FANCC: variants seen among roughly 807,000 people sequenced by gnomAD.
FANCC encodes Fanconi anemia group C protein.
Under a neutral mutation model 71.3 loss-of-function variants are expected in FANCC, and 55 were observed. The ratio of observed to expected loss-of-function variants is 0.77; its 90% CI spans 0.62 to 0.97. The LOEUF (loss-of-function observed/expected upper bound fraction) is 0.97. Ranked by LOEUF, FANCC falls within the 50% of genes least tolerant of loss-of-function variation. FANCC has a pLI of 0.00. For missense variants in FANCC, 678 were observed against 670.9 expected (o/e 1.01, Z -0.12); for synonymous variants, 275 against 244.9 (o/e 1.12, Z -1.15).
intron 1 of FANCC, among the ~76,000 whole-genome samples, chr9:95,267,343 G>A (rs987613395): frequency 1.3e-5 from 2 of 152,158 alleles, no homozygotes; most frequent in African/African-American, 4.8e-5. Flanking sequence ...ACCAGGCACT[G>A]CGTGAAGCAG....
intron 7 of FANCC, among the ~76,000 whole-genome samples, chr9:95,148,138 C>T (rs1261541318): frequency 3.9e-5 from 6 of 152,156 alleles, no homozygotes; most frequent in Non-Finnish European, 7.3e-5. Flanking sequence ...TGCATTTTCA[C>T]ATATGAATGT....
Position 95,099,387 on chromosome 9 carries a change from CCT to C in FANCC, c.*2318_*2319del, listed in dbSNP as rs1333347379. On this transcript the variant is annotated 3_prime_UTR_variant, in exon 15 of 15. Coordinates refer to ENST00000289081, the MANE Select transcript of FANCC (RefSeq NM_000136.3). ...CCATCCCTGCCTCCCTGCGGCTGCC[CCT>C]GTGCCCAGGCCCCGCCAACGCCGTC... 2 of 228,230 alleles carry C rather than the reference CCT, an allele frequency of 8.8e-6. No individual in the cohort carries two copies. Among genetic ancestry groups the C allele is most frequent in the Admixed American group, 5.7e-5 (1 of 17,484 alleles). The allele number at this position is 228,230 out of a possible 1,614,324, so 14.1% of individuals were successfully genotyped here.
chr9:95,317,346 G>A (rs1835824472), intron 1 of FANCC, 180 bp downstream of exon 1: 1 of 141,294 alleles, frequency 7.1e-6, no homozygotes, highest in Non-Finnish European at 1.5e-5. Flanking sequence ...CTCAGCCTTA[G>A]CCACAGCCCT....
At chr9:95,102,312 T>C (rs1300773897) in intron 14 of FANCC, among the ~76,000 whole-genome samples, 1 of 152,218 alleles carries the variant, frequency 6.6e-6, no homozygotes, top group African/African-American at 2.4e-5. Flanking sequence ...ATCCCTGGGC[T>C]AGCAACCGGA....
At position 95,100,787 on chromosome 9, in the gene FANCC, C is replaced by T. The variant is rs760485290; in HGVS notation, c.*920G>A. 11 of 225,664 alleles carry T rather than the reference C, an allele frequency of 4.9e-5. No individual in the cohort carries two copies. Among genetic ancestry groups the T allele is most frequent in the Non-Finnish European group, 7.1e-5 (8 of 113,330 alleles). 14.0% of individuals were successfully genotyped at this position (225,664 alleles called of 1,614,324 possible). On this transcript the variant is annotated 3_prime_UTR_variant, in exon 15 of 15. Coordinates refer to ENST00000289081, the MANE Select transcript of FANCC (RefSeq NM_000136.3). ...CTGGGATTACAGATGCATGCCATTG[C>T]ACCCCGATAATTTTTGTATTTTTAG...
intron 13 of FANCC, among the ~76,000 whole-genome samples, chr9:95,108,937 G>C (rs890716707): frequency 3.4e-5 from 5 of 147,646 alleles, no homozygotes; most frequent in Non-Finnish European, 5.9e-5. Flanking sequence ...ACAGAGCCTT[G>C]CTCTGTCACC....
intron 4 of FANCC, among the ~76,000 whole-genome samples, chr9:95,188,859 T>C (rs1171426069): frequency 6.6e-6 from 1 of 152,192 alleles, no homozygotes; most frequent in Non-Finnish European, 1.5e-5. Flanking sequence ...CTTTTCTCAT[T>C]TCACTCTGCA....
In FANCC at chr9:95,159,072, A is replaced by G. The variant is rs1412800068; in HGVS notation, c.522-8985T>C. 1.3e-5 allele frequency among the ~76,000 whole-genome samples: 2 copies of G among 151,734 alleles called. 1 individual carries two copies. The highest frequency in any genetic ancestry group is 2.9e-5 in the Non-Finnish European group (2 of 67,944). ...TTATACTTCAAGTTCTAGGGTACACATGCACAACGTGCAGGTTTGTTACAT... is the reference window on the plus strand; with the variant it reads ...TTATACTTCAAGTTCTAGGGTACACGTGCACAACGTGCAGGTTTGTTACAT... On this transcript the variant is annotated intron_variant, in intron 6 of 14. Transcript: ENST00000289081.
chr9:95,223,839 T>C (rs989088756), intron 4 of FANCC, among the ~76,000 whole-genome samples: 4 of 151,970 alleles, frequency 2.6e-5, no homozygotes, highest in African/African-American at 9.7e-5. Flanking sequence ...TACCCAGGTG[T>C]GGTGGCACAT....
chr9:95,218,762 G>T (rs561418203), intron 4 of FANCC, among the ~76,000 whole-genome samples: 1 of 152,320 alleles, frequency 6.6e-6, no homozygotes, highest in East Asian at 1.9e-4. Context: ...GTCAGCATTT[G>T]ATAGGGTGAT....
chr9:95,253,496 A>G (rs1831477761), intron 1 of FANCC, among the ~76,000 whole-genome samples: 2 of 152,148 alleles, frequency 1.3e-5, no homozygotes, highest in Non-Finnish European at 2.9e-5. Context: ...TCTTCCTTAC[A>G]TGGTTTCTGA....
At chr9:95,111,342 C>T (rs1482477514) in intron 13 of FANCC, 121 bp downstream of exon 13, 1 of 1,598,042 alleles carries the variant, frequency 6.3e-7, no homozygotes, top group Non-Finnish European at 8.5e-7. Context: ...ATGACATATG[C>T]CATCTGTGGG....
chr9:95,190,554 A>G (rs1016460555), intron 4 of FANCC, among the ~76,000 whole-genome samples: 10 of 152,128 alleles, frequency 6.6e-5, no homozygotes, highest in African/African-American at 2.4e-4. Flanking sequence ...ACTCCATGCT[A>G]CAAACCGTGG....
intron 1 of FANCC, among the ~76,000 whole-genome samples, chr9:95,260,002 G>A (rs575657437): frequency 9.2e-5 from 14 of 152,250 alleles, no homozygotes; most frequent in African/African-American, 2.9e-4. Flanking sequence ...ACCATCTCAC[G>A]CCAGTTAGAA....
intron 1 of FANCC, among the ~76,000 whole-genome samples, chr9:95,274,906 G>A (rs1173449874): frequency 6.6e-6 from 1 of 152,070 alleles, no homozygotes; most frequent in Non-Finnish European, 1.5e-5. Context: ...GGAATTCTCT[G>A]AACTATGTAT....
chr9:95,248,679 A>G (rs1052866330), intron 2 of FANCC, among the ~76,000 whole-genome samples: 2 of 151,844 alleles, frequency 1.3e-5, no homozygotes, highest in Non-Finnish European at 2.9e-5. Flanking sequence ...AATAAATTAT[A>G]TAATAGTAAA....
At chr9:95,294,211 C>T (rs1834237452) in intron 1 of FANCC, 2 of 1,593,740 alleles carry the variant, frequency 1.3e-6, no homozygotes, top group African/African-American at 2.7e-5. Context: ...CACCCAGCTC[C>T]CATCTGGCCC....
chr9:95,202,557 A>G (rs1039507174), intron 4 of FANCC, among the ~76,000 whole-genome samples: 3 of 152,276 alleles, frequency 2.0e-5, no homozygotes, highest in Non-Finnish European at 4.4e-5. Flanking sequence ...AAATATGCTC[A>G]GGGCGAAAGA....
chr9:95,290,240 G>A (rs2136306264), intron 1 of FANCC, among the ~76,000 whole-genome samples: 1 of 152,260 alleles, frequency 6.6e-6, no homozygotes, highest in South Asian at 2.1e-4. Context: ...ATCCTTTGGG[G>A]AACTCTGGGG....
Sources: gnomAD v4.1 joint callset for allele counts (sites outside exome capture counted in the v4.1 genomes callset) on GRCh38, gnomAD v4.1.1 for gene constraint, MANE v1.5 for transcripts, NCBI Gene and HGNC (gene_info 2026-07-23, HGNC 2026-07-21) for gene names.